Variants in FBN1 observed in about 807,000 individuals in gnomAD.
FBN1 encodes the protein fibrillin 1, also known as fibrillin-1.
FBN1 carries 29 observed loss-of-function variants against 365.1 expected under a neutral mutation model. The ratio of observed to expected loss-of-function variants is 0.08; its 90% CI spans 0.06 to 0.11. The LOEUF is 0.11. FBN1 is among the 10% of genes least tolerant of loss of function. FBN1 has a pLI of 1.00. For synonymous variants in FBN1, 1,210 were observed against 1,270.5 expected (o/e 0.95, Z 1.01); for missense variants, 2,476 against 3,703.2 (o/e 0.67, Z 8.60).
intron 15 of FBN1, among the ~76,000 whole-genome samples, chr15:48,505,638 AC>A (rs2043702092): frequency 6.6e-6 from 1 of 152,172 alleles, no homozygotes; most frequent in African/African-American, 2.4e-5. Flanking sequence ...AGGATATACA[AC>A]TAAAGCCTTG....
rs762130293 is a variant in FBN1 at position 48,487,453 on chromosome 15, G to T, written c.3338-16C>A. 1.9e-6 allele frequency: 3 copies of T among 1,613,198 alleles called. No individual in the cohort carries two copies. Among genetic ancestry groups the T allele is most frequent in the East Asian group, 4.5e-5 (2 of 44,856 alleles). Reference sequence around the variant, plus strand: ...TCATCAATATCTGCAAAATGGAAATGACCATGTTAAAGGTGGGGGCCTCAT... The same window carrying T: ...TCATCAATATCTGCAAAATGGAAATTACCATGTTAAAGGTGGGGGCCTCAT... On this transcript the variant is annotated splice_polypyrimidine_tract_variant and intron_variant, in intron 27 of 65. Transcript: ENST00000316623.
intron 50 of FBN1, among the ~76,000 whole-genome samples, chr15:48,439,754 G>A (rs1000268456): frequency 1.7e-4 from 25 of 147,198 alleles, no homozygotes; most frequent in African/African-American, 6.2e-4. Flanking sequence ...ACTCCACCCC[G>A]AAAAAAAAAA....
rs1202008396 is a variant in FBN1, at chr15:48,460,307, A to G, written c.5235T>C (p.Ala1745=). The stretch of plus-strand genomic sequence containing the variant: ...CTGGCCTTTGACTTCCACAGAGTGT[A>G]GCAAACTCATCTGCAATGATTAAAC... The part of the protein sequence containing the change: ...QCPIPSTDEF[A]TLCGSQRPGF... The change falls in exon 43 of 66, where the codon GCT becomes GCC. Residue 1745 remains alanine, a synonymous_variant. Coordinates refer to ENST00000316623, the MANE Select transcript of FBN1 (RefSeq NM_000138.5). The G allele has an allele frequency of 6.2e-7, 1 of 1,612,226 alleles. No individual in the cohort carries two copies. Among genetic ancestry groups the G allele is most frequent in the Non-Finnish European group, 8.5e-7 (1 of 1,178,314 alleles).
intron 20 of FBN1, 22 bp from the exon 21 acceptor site, chr15:48,495,610 A>T: frequency 6.2e-7 from 1 of 1,614,022 alleles, no homozygotes; most frequent in Non-Finnish European, 8.5e-7. Context: ...ACAGGTCTAC[A>T]TTACTGCTAA....
rs749692510 is a variant in FBN1 at position 48,495,267 on chromosome 15, A to G, written c.2540-7T>C. The G allele has an allele frequency of 2.4e-5, 38 of 1,613,890 alleles. No individual in the cohort carries two copies. Among genetic ancestry groups the G allele is most frequent in the Non-Finnish European group, 3.1e-5 (36 of 1,179,952 alleles). ...CAAGTGCCCTTGATGGTTTCTGCAG[A>G]GGAGGGAATAATATTTAATAGAATC... is the stretch of plus-strand genomic sequence containing the variant. On this transcript the variant is annotated splice_region_variant and splice_polypyrimidine_tract_variant and intron_variant, in intron 21 of 65. Coordinates refer to ENST00000316623, the MANE Select transcript of FBN1 (RefSeq NM_000138.5).
chr15:48,546,448 T>C (rs1385071610), intron 6 of FBN1, among the ~76,000 whole-genome samples: 1 of 152,122 alleles, frequency 6.6e-6, no homozygotes, highest in African/African-American at 2.4e-5. Context: ...GCTTTCTAAG[T>C]ATGGGAGACA....
rs572452912 is a variant in FBN1, at chr15:48,424,603, T to C, written c.7453+766A>G. Among the ~76,000 whole-genome samples, 4 of 152,370 alleles carry C rather than the reference T, an allele frequency of 2.6e-5. No individual in the cohort carries two copies. The South Asian group carries it at 6.2e-4, about 24-fold the overall frequency. On this transcript the variant is annotated intron_variant, in intron 60 of 65. Transcript: ENST00000316623. ...CCTTCCTTACTTCTGTATGTTTCTA[T>C]AAATTTCCTTCAAAGTTTCATGGCA...
chr15:48,462,712 C>A (rs749649244), intron 42 of FBN1, among the ~76,000 whole-genome samples: 5 of 152,152 alleles, frequency 3.3e-5, no homozygotes, highest in Admixed American at 6.5e-5. Flanking sequence ...ACAAGTTTAG[C>A]TTTAAATAAG....
At chr15:48,593,400 C>T (rs2044494009) in intron 6 of FBN1, among the ~76,000 whole-genome samples, 1 of 152,102 alleles carries the variant, frequency 6.6e-6, no homozygotes, top group East Asian at 1.9e-4. Flanking sequence ...GTTTTTATTG[C>T]CACTTAGTTT....
Position 48,468,511 on chromosome 15 carries a change from T to G in FBN1, c.4483A>C (p.Thr1495Pro), listed in dbSNP as rs1181916481. Reference protein sequence around the residue: ...CTDVNECLDPTTCISGNCVNT... With the variant: ...CTDVNECLDPPTCISGNCVNT... ...ACACAGTTCCCACTGATGCACGTGG[T>G]TGGATCCAGGCATTCATTCACATCT... is the stretch of plus-strand genomic sequence containing the variant. Residue 1495 changes from threonine to proline, a missense_variant, in exon 37 of 66, where the codon ACC (threonine) becomes CCC (proline). Physicochemically the swap from Thr to Pro is conservative, Grantham distance 38. This residue lies in a region of FBN1 where 1,780 missense variants were observed against 2,840.8 expected (regional missense o/e 0.63). Transcript: ENST00000316623. 2 of 1,614,110 alleles carry G rather than the reference T, an allele frequency of 1.2e-6. No homozygotes were observed. The highest frequency in any genetic ancestry group is 8.5e-7 in the Non-Finnish European group (1 of 1,179,976).
chr15:48,460,486 T>C (rs1397860904), intron 42 of FBN1, among the ~76,000 whole-genome samples, 169 bp from the exon 43 acceptor site: 1 of 152,228 alleles, frequency 6.6e-6, no homozygotes, highest in African/African-American at 2.4e-5. Context: ...ATCTTGCCTG[T>C]AAGACAAATA....
chr15:48,633,066 G>C (rs1475261941), intron 2 of FBN1, among the ~76,000 whole-genome samples: 1 of 152,194 alleles, frequency 6.6e-6, no homozygotes, highest in Non-Finnish European at 1.5e-5. Flanking sequence ...ATCAGAAAGG[G>C]AGAGAAAGAT....
At chr15:48,626,922 C>G (rs1475384891) in intron 2 of FBN1, among the ~76,000 whole-genome samples, 1 of 152,116 alleles carries the variant, frequency 6.6e-6, no homozygotes, top group South Asian at 2.1e-4. Context: ...ACTCTTCCCC[C>G]AAACCCTATC....
chr15:48,637,648 A>T (rs942043257), intron 2 of FBN1, among the ~76,000 whole-genome samples: 28 of 152,178 alleles, frequency 1.8e-4, no homozygotes, highest in Non-Finnish European at 4.0e-4. Context: ...ATAATTAACC[A>T]TACCCAGTTA....
intron 49 of FBN1, 29 bp from the exon 50 acceptor site, chr15:48,441,875 T>G: frequency 1.2e-6 from 2 of 1,611,426 alleles, no homozygotes; most frequent in Non-Finnish European, 1.7e-6. Flanking sequence ...TCAAACAAAG[T>G]CAAAACACGA....
intron 32 of FBN1, among the ~76,000 whole-genome samples, chr15:48,481,416 G>A (rs1373208661): frequency 2.0e-5 from 3 of 152,052 alleles, no homozygotes; most frequent in African/African-American, 7.2e-5. Flanking sequence ...TATTTACAGT[G>A]TTAATTTATT....
chr15:48,631,449 G>C (rs949931776), intron 2 of FBN1, among the ~76,000 whole-genome samples: 14 of 152,176 alleles, frequency 9.2e-5, no homozygotes, highest in African/African-American at 3.4e-4. Flanking sequence ...CTATGGAAAA[G>C]GGAGCTTTCT....
chr15:48,533,035 G>A (rs569737151), intron 8 of FBN1, among the ~76,000 whole-genome samples: 41 of 152,262 alleles, frequency 2.7e-4, no homozygotes, highest in African/African-American at 8.7e-4. Flanking sequence ...TGTCTTACAT[G>A]TAACTTATGA....
chr15:48,616,909 T>TA (rs964990298), intron 2 of FBN1, among the ~76,000 whole-genome samples: 51 of 148,074 alleles, frequency 3.4e-4, no homozygotes, highest in African/African-American at 6.4e-4. Context: ...TGTTTAACAC[T>TA]AAAAAAAAAA....
Sources: allele counts gnomAD v4.1 joint callset (sites outside exome capture counted in the v4.1 genomes callset), GRCh38; gene constraint gnomAD v4.1.1; regional missense constraint gnomAD v4.1.1; transcripts MANE v1.5; gene names NCBI Gene and HGNC (gene_info 2026-07-23, HGNC 2026-07-21).